Variants in PPP3CB observed in about 807,000 individuals in gnomAD.
PPP3CB encodes the protein protein phosphatase 3 catalytic subunit beta.
A neutral mutation model predicts 66.4 loss-of-function variants in PPP3CB; 8 were observed. The observed-to-expected ratio is 0.12, with a 90% CI of 0.07 to 0.22. PPP3CB has a LOEUF of 0.22. Among genes scored for constraint, PPP3CB ranks in the 10% least tolerant of loss-of-function variants. The probability of loss-of-function intolerance (pLI) is 1.00; values close to 1 mark genes in which losing one functional copy is unlikely to be tolerated. For synonymous variants in PPP3CB, 208 were observed against 221.2 expected, an observed-to-expected ratio of 0.94 and a Z score of 0.53; for missense variants, 319 against 642.5, an observed-to-expected ratio of 0.50 and a Z score of 5.44.
rs1274385408 is a variant in PPP3CB, at chr10:73,471,473, T to C, written c.664A>G (p.Arg222Gly). 2 of 1,605,358 alleles carry C rather than the reference T, an allele frequency of 1.2e-6. No individual in the cohort carries two copies. The highest frequency in any genetic ancestry group is 2.2e-5 in the South Asian group (2 of 88,948). The change falls in exon 5 of 14, where the codon AGG becomes GGG. Residue 222 changes from arginine to glycine, a missense_variant. Around this residue, in one of 5 missense-constraint regions of PPP3CB, gnomAD observed 19 missense variants for 17.0 expected, o/e 1.12. Coordinates refer to ENST00000360663, the MANE Select transcript of PPP3CB (RefSeq NM_021132.4). Reference sequence around the variant, plus strand: ...GAAGTAAAATATATACTTACTCTCCTAATATCATCCAGTGTGTGTATTTCT... The same window carrying C: ...GAAGTAAAATATATACTTACTCTCCCAATATCATCCAGTGTGTGTATTTCT... Reference protein sequence around the residue: ...SPEIHTLDDIRRLDRFKEPPA... With the variant: ...SPEIHTLDDIGRLDRFKEPPA...
chr10:73,485,429 G>A (rs1026526372), intron 1 of PPP3CB, among the ~76,000 whole-genome samples: 1 of 152,164 alleles, frequency 6.6e-6, no homozygotes, highest in African/African-American at 2.4e-5. Context: ...TTCTAAGCAA[G>A]GACTGCCCTC....
chr10:73,442,258 C>CA (rs1433101183), intron 12 of PPP3CB, among the ~76,000 whole-genome samples: 1 of 152,154 alleles, frequency 6.6e-6, no homozygotes, highest in Non-Finnish European at 1.5e-5. Context: ...GTCCCTCCAG[C>CA]AAAGCTGCTG....
intron 1 of PPP3CB, among the ~76,000 whole-genome samples, chr10:73,483,833 AT>A (rs1168323689): frequency 2.6e-5 from 4 of 151,414 alleles, no homozygotes; most frequent in Non-Finnish European, 4.4e-5. Flanking sequence ...GAGAGTTAAA[AT>A]TTTTTTTTCA....
At chr10:73,444,464 G>A in intron 12 of PPP3CB, 1 of 989,398 alleles carries the variant, frequency 1.0e-6, no homozygotes, top group South Asian at 1.7e-5. Context: ...ATTATGATAT[G>A]AGCTGCTCCC....
chr10:73,463,242 T>C (rs751074433), intron 9 of PPP3CB, among the ~76,000 whole-genome samples: 10 of 152,226 alleles, frequency 6.6e-5, no homozygotes, highest in Non-Finnish European at 1.2e-4. Context: ...GCCTTCATTA[T>C]GTCTCTACCT....
In PPP3CB at chr10:73,471,597, C is replaced by T. The variant is rs534708885; in HGVS notation, c.540G>A (p.Ser180=). The part of the protein sequence containing the change: ...TFKQECKIKY[S]ERVYEACMEA... ...CCATACAAGCTTCATAGACTCTTTC[C>T]GAATACTTAATTTTACCTAGAAAAA... Residue 180 remains serine (S), a synonymous_variant, in exon 5 of 14, where the codon TCG becomes TCA. Transcript: ENST00000360663. The T allele has an allele frequency of 1.6e-4, 257 of 1,594,520 alleles. 1 individual carries two copies. The highest frequency in any genetic ancestry group is 1.3e-3 in the South Asian group (109 of 86,604).
intron 9 of PPP3CB, among the ~76,000 whole-genome samples, chr10:73,456,371 G>A (rs1245788907): frequency 6.6e-6 from 1 of 152,192 alleles, no homozygotes; most frequent in African/African-American, 2.4e-5. Context: ...AAGACCTGCT[G>A]GGGAAGGCAA....
chr10:73,469,959 A>T (rs925041302), intron 8 of PPP3CB, among the ~76,000 whole-genome samples: 1 of 152,162 alleles, frequency 6.6e-6, no homozygotes, highest in Non-Finnish European at 1.5e-5. Flanking sequence ...ACATAAACAT[A>T]CCCAATCTCA....
chr10:73,445,559 T>C (rs540315595), intron 11 of PPP3CB, among the ~76,000 whole-genome samples: 34 of 150,866 alleles, frequency 2.3e-4, no homozygotes, highest in African/African-American at 7.6e-4. Context: ...GATCCTCCCA[T>C]CTCAGCCTCC....
chr10:73,443,357 GAA>G (rs148308010), intron 12 of PPP3CB, among the ~76,000 whole-genome samples: 1 of 146,022 alleles, frequency 6.8e-6, no homozygotes, highest in Non-Finnish European at 1.5e-5. Context: ...AGAGAGAAAA[GAA>G]AAAAAAAGAG....
At chr10:73,456,482 A>G (rs1385200108) in intron 9 of PPP3CB, among the ~76,000 whole-genome samples, 1 of 152,248 alleles carries the variant, frequency 6.6e-6, no homozygotes, top group East Asian at 1.9e-4. Context: ...AAAGTGATGT[A>G]GTAGTCATTT....
intron 10 of PPP3CB, 29 bp from the exon 11 acceptor site, chr10:73,446,602 A>G: frequency 6.3e-7 from 1 of 1,594,616 alleles, no homozygotes; most frequent in East Asian, 2.2e-5. Context: ...ATAGAGAGAA[A>G]GGCTCAAGTT....
intron 1 of PPP3CB, among the ~76,000 whole-genome samples, chr10:73,492,615 A>G (rs1009448247): frequency 6.6e-6 from 1 of 152,234 alleles, no homozygotes; most frequent in Non-Finnish European, 1.5e-5. Context: ...AATGCTTAAT[A>G]GAATATAATT....
chr10:73,451,203 G>A (rs2056339203), intron 10 of PPP3CB, among the ~76,000 whole-genome samples: 2 of 151,268 alleles, frequency 1.3e-5, no homozygotes, highest in African/African-American at 4.9e-5. Context: ...AACTTTTAAA[G>A]AATAAAAGAA....
Position 73,475,030 on chromosome 10 carries a change from A to C in PPP3CB, c.412T>G (p.Cys138Gly). Residue 138 changes from cysteine to glycine, a missense_variant and splice_region_variant, in exon 4 of 14, where the codon TGT (cysteine) becomes GGT (glycine). By Grantham distance (159) the Cys-to-Gly change is radical. This residue lies in a region of PPP3CB where 51 missense variants were observed against 139.6 expected (regional missense o/e 0.37). Transcript: ENST00000360663. ...YVDRGYFSIE[C>G]VLYLWVLKIL... ...TTCAGAACCCATAAATATAAGACAC[A>C]CTGCAAAAGAAAATTTTTCTAGTGA... 1 of 1,605,226 alleles carries C rather than the reference A, an allele frequency of 6.2e-7. No homozygotes were observed. Among genetic ancestry groups the C allele is most frequent in the Non-Finnish European group, 8.5e-7 (1 of 1,177,430 alleles).
intron 1 of PPP3CB, among the ~76,000 whole-genome samples, chr10:73,479,836 T>G (rs905894011): frequency 3.3e-5 from 5 of 152,210 alleles, no homozygotes; most frequent in Admixed American, 2.6e-4. Flanking sequence ...ATTATAGTAT[T>G]AGATATTCTT....
Position 73,467,621 on chromosome 10 carries a change from G to A in PPP3CB, c.1040C>T (p.Pro347Leu). Residue 347 changes from proline (P) to leucine (L), a missense_variant, in exon 9 of 14, where the codon CCA (proline) becomes CTA (leucine). Pro to Leu is a moderately conservative substitution (Grantham distance 98). Around this residue, in one of 5 missense-constraint regions of PPP3CB, gnomAD observed 120 missense variants for 331.2 expected, o/e 0.36. Transcript: ENST00000360663. ...AAAATTAGGCAACCAGTAAGGATGT[G>A]GAGAACAGTTAAACTGTCGAATATT... ...VMNIRQFNCS[P>L]HPYWLPNFMD... 6.3e-7 allele frequency: 1 copy of A among 1,582,478 alleles called. No homozygotes were observed. The highest frequency in any genetic ancestry group is 8.6e-7 in the Non-Finnish European group (1 of 1,160,818).
chr10:73,451,706 A>G (rs2132815285), intron 10 of PPP3CB, among the ~76,000 whole-genome samples: 1 of 149,316 alleles, frequency 6.7e-6, no homozygotes, highest in South Asian at 2.1e-4. Flanking sequence ...GGAGTTCAAG[A>G]CCAGCCTTGG....
intron 1 of PPP3CB, among the ~76,000 whole-genome samples, chr10:73,482,417 C>A (rs903099040): frequency 6.6e-6 from 1 of 151,394 alleles, no homozygotes; most frequent in Non-Finnish European, 1.5e-5. Context: ...GTGGTGCACA[C>A]CTGTAGTCCT....
Sources: allele counts gnomAD v4.1 joint callset (sites outside exome capture counted in the v4.1 genomes callset), GRCh38; gene constraint gnomAD v4.1.1; regional missense constraint gnomAD v4.1.1; transcripts MANE v1.5; gene names NCBI Gene and HGNC (gene_info 2026-07-23, HGNC 2026-07-21).